Variants in LHFPL3 observed in about 807,000 individuals in gnomAD.
LHFPL3 encodes the protein LHFPL tetraspan subfamily member 3 protein.
Under a neutral mutation model 19.3 loss-of-function variants are expected in LHFPL3, and 5 were observed. The ratio of observed to expected loss-of-function variants is 0.26; its 90% CI spans 0.14 to 0.54. The LOEUF (loss-of-function observed/expected upper bound fraction) is 0.54, where lower values mean the gene tolerates loss of function less well. Among genes scored for constraint, LHFPL3 ranks in the 20% least tolerant of loss-of-function variants. LHFPL3 has a pLI of 0.94. For missense variants in LHFPL3, 249 were observed against 307.4 expected, an observed-to-expected ratio of 0.81 and a Z score of 1.42; for synonymous variants, 133 against 126.2, an observed-to-expected ratio of 1.05 and a Z score of -0.36.
intron 1 of LHFPL3, among the ~76,000 whole-genome samples, chr7:104,403,791 C>A (rs906705373): frequency 6.6e-6 from 1 of 150,988 alleles, no homozygotes; most frequent in Admixed American, 6.6e-5. Context: ...ATGGAGGTGT[C>A]ATTCCTATGC....
intron 2 of LHFPL3, among the ~76,000 whole-genome samples, chr7:104,766,579 A>G (rs1280311656): frequency 6.6e-6 from 1 of 152,124 alleles, no homozygotes; most frequent in Non-Finnish European, 1.5e-5. Context: ...GGGAATGGAG[A>G]TTTTCGTCTT....
chr7:104,566,949 T>C (rs1790135908), intron 1 of LHFPL3, among the ~76,000 whole-genome samples: 1 of 152,254 alleles, frequency 6.6e-6, no homozygotes, highest in African/African-American at 2.4e-5. Context: ...GAATTTCTCT[T>C]CTTAATGTAT....
chr7:104,434,734 C>T (rs913829941), intron 1 of LHFPL3, among the ~76,000 whole-genome samples: 1 of 152,140 alleles, frequency 6.6e-6, no homozygotes, highest in Non-Finnish European at 1.5e-5. Context: ...TGATTATAGG[C>T]AAATTCAGAC....
At chr7:104,379,468 G>T (rs939299687) in intron 1 of LHFPL3, among the ~76,000 whole-genome samples, 6 of 152,168 alleles carry the variant, frequency 3.9e-5, no homozygotes, top group African/African-American at 1.4e-4. Context: ...GGCTAGTAAT[G>T]GGGTCTCTTA....
Position 104,541,103 on chromosome 7 carries a change from GACACACACACACACACACAC to G in LHFPL3, c.446-195546_446-195527del, listed in dbSNP as rs58831498. Among the ~76,000 whole-genome samples, 11 of 134,544 alleles carry G rather than the reference GACACACACACACACACACAC, an allele frequency of 8.2e-5. No individual in the cohort carries two copies. In the East Asian group the frequency reaches 8.9e-4, roughly 11 times the overall value. 88.3% of individuals were successfully genotyped at this position (134,544 alleles called of 152,430 possible). A position where few individuals can be genotyped will look rare whatever the true frequency, so the allele number is the denominator to read the frequency against. The stretch of plus-strand genomic sequence containing the variant: ...TTTTCCATATACACATCCTCCCCAT[GACACACACACACACACACAC>G]ACACACACACACACACACACACACA... On this transcript the variant is annotated intron_variant, in intron 1 of 2. Coordinates refer to ENST00000424859, the MANE Select transcript of LHFPL3 (RefSeq NM_199000.3).
chr7:104,478,456 T>G (rs977680597), intron 1 of LHFPL3, among the ~76,000 whole-genome samples: 2 of 152,150 alleles, frequency 1.3e-5, no homozygotes, highest in Non-Finnish European at 2.9e-5. Flanking sequence ...TCCATTCACA[T>G]GGACCCAGAA....
intron 2 of LHFPL3, among the ~76,000 whole-genome samples, chr7:104,854,796 A>G (rs777631015): frequency 6.6e-5 from 10 of 152,374 alleles, no homozygotes; most frequent in African/African-American, 2.4e-4. Flanking sequence ...TAAAATGTGC[A>G]GGGCTACATT....
intron 1 of LHFPL3, among the ~76,000 whole-genome samples, chr7:104,526,875 C>T (rs1234232581): frequency 2.6e-5 from 4 of 152,136 alleles, no homozygotes; most frequent in Non-Finnish European, 5.9e-5. Context: ...TTCAAAGTCC[C>T]TGCCCATATG....
intron 1 of LHFPL3, among the ~76,000 whole-genome samples, chr7:104,715,318 A>T (rs1042583626): frequency 8.5e-5 from 13 of 152,274 alleles, no homozygotes; most frequent in Admixed American, 1.3e-4. Context: ...ATCTTTCTTA[A>T]ACTTTGTTCT....
At chr7:104,677,095 G>C (rs1005861737) in intron 1 of LHFPL3, among the ~76,000 whole-genome samples, 1 of 152,172 alleles carries the variant, frequency 6.6e-6, no homozygotes, top group Admixed American at 6.5e-5. Context: ...AATAACCTCA[G>C]CCAGACACAC....
At chr7:104,815,004 C>T (rs1021103406) in intron 2 of LHFPL3, among the ~76,000 whole-genome samples, 9 of 152,126 alleles carry the variant, frequency 5.9e-5, no homozygotes, top group African/African-American at 1.9e-4. Context: ...CGCCTGGGCT[C>T]CCACCTGCTC....
chr7:104,507,323 T>C (rs1255377159), intron 1 of LHFPL3, among the ~76,000 whole-genome samples: 1 of 146,776 alleles, frequency 6.8e-6, no homozygotes, highest in African/African-American at 2.6e-5. Flanking sequence ...AACTATCAGA[T>C]CTTTGACAAA....
chr7:104,439,705 A>G (rs1467236738), intron 1 of LHFPL3, among the ~76,000 whole-genome samples: 1 of 152,170 alleles, frequency 6.6e-6, no homozygotes, highest in Admixed American at 6.6e-5. Context: ...AATTTGGTAA[A>G]CAGCATCTTC....
At chr7:104,875,258 T>A (rs1328901955) in intron 2 of LHFPL3, among the ~76,000 whole-genome samples, 1 of 152,092 alleles carries the variant, frequency 6.6e-6, no homozygotes, top group Non-Finnish European at 1.5e-5. Flanking sequence ...TGCATAATAC[T>A]GAGGTCCAAA....
intron 1 of LHFPL3, among the ~76,000 whole-genome samples, chr7:104,535,188 A>G (rs766120333): frequency 1.3e-5 from 2 of 152,236 alleles, no homozygotes; most frequent in Non-Finnish European, 2.9e-5. Flanking sequence ...CTCAGTAAGA[A>G]AGAAAACCTA....
intron 2 of LHFPL3, among the ~76,000 whole-genome samples, chr7:104,855,917 T>C (rs1009873224): frequency 2.0e-5 from 3 of 152,156 alleles, no homozygotes; most frequent in Non-Finnish European, 2.9e-5. Flanking sequence ...CAGATCTTTA[T>C]AGCAAATCCT....
intron 1 of LHFPL3, among the ~76,000 whole-genome samples, chr7:104,357,177 C>A (rs1343061785): frequency 6.6e-6 from 1 of 152,192 alleles, no homozygotes; most frequent in Admixed American, 6.5e-5. Flanking sequence ...GAATTCTTCA[C>A]CTACTGTACC....
Position 104,879,942 on chromosome 7 carries a change from A to G in LHFPL3, c.683-26245A>G, listed in dbSNP as rs1305399796. Among the ~76,000 whole-genome samples the G allele has an allele frequency of 3.3e-5, 5 of 152,154 alleles. No homozygotes were observed. The South Asian group carries it at 1.0e-3, about 32-fold the overall frequency. ...GGTGTGATGGTATGCCAGTAACTCAAGCTACTCAAGTGGCTGAATCAGGAG... is the reference window on the plus strand; with the variant it reads ...GGTGTGATGGTATGCCAGTAACTCAGGCTACTCAAGTGGCTGAATCAGGAG... On this transcript the variant is annotated intron_variant, in intron 2 of 2. Transcript: ENST00000424859.
intron 2 of LHFPL3, among the ~76,000 whole-genome samples, chr7:104,752,284 G>T (rs1026125643): frequency 1.3e-5 from 2 of 152,080 alleles, no homozygotes; most frequent in Non-Finnish European, 2.9e-5. Flanking sequence ...CTACATATTC[G>T]CAATGTAAAC....
Sources: gnomAD v4.1 joint callset for allele counts (sites outside exome capture counted in the v4.1 genomes callset) on GRCh38, gnomAD v4.1.1 for gene constraint, MANE v1.5 for transcripts, NCBI Gene and HGNC (gene_info 2026-07-23, HGNC 2026-07-21) for gene names.